Variants in CADPS observed in about 807,000 individuals in gnomAD.
CADPS encodes the protein calcium-dependent secretion activator 1.
In CADPS, 57 loss-of-function variants were observed where a neutral mutation model predicts 167.3. That is an observed-to-expected ratio of 0.34 (90% CI 0.28 to 0.42). The LOEUF is 0.42. CADPS is among the 20% of genes least tolerant of loss of function. The pLI is 1.00. For synonymous variants in CADPS, 676 were observed against 635.3 expected, an observed-to-expected ratio of 1.06 and a Z score of -0.96; for missense variants, 1,414 against 1,738.1, an observed-to-expected ratio of 0.81 and a Z score of 3.32.
chr3:62,694,839 C>A (rs966307178), intron 3 of CADPS, among the ~76,000 whole-genome samples: 135 of 152,100 alleles, frequency 8.9e-4, no homozygotes, highest in African/African-American at 3.1e-3. Context: ...TTAGGAGACA[C>A]CACCCTAAAA....
chr3:62,815,929 C>T (rs2094591211), intron 1 of CADPS, among the ~76,000 whole-genome samples: 2 of 152,088 alleles, frequency 1.3e-5, no homozygotes, highest in South Asian at 4.1e-4. Context: ...TATCTGAAAT[C>T]TTCAAATTGT....
chr3:62,647,416 G>T (rs1362915446), intron 5 of CADPS, among the ~76,000 whole-genome samples: 4 of 152,154 alleles, frequency 2.6e-5, no homozygotes, highest in African/African-American at 4.8e-5. Context: ...AGTAGGCCTG[G>T]GTTGGAGCCC....
rs771885497 is a variant in CADPS, at chr3:62,650,918, T to A, written c.1132A>T (p.Ile378Phe). The A allele has an allele frequency of 6.2e-6, 10 of 1,614,140 alleles. No homozygotes were observed. The East Asian group carries it at 1.6e-4, about 25-fold the overall frequency. The change falls in exon 5 of 30, where the codon ATC becomes TTC. Residue 378 changes from isoleucine (I) to phenylalanine (F), a missense_variant. Around this residue, in one of 6 missense-constraint regions of CADPS, gnomAD observed 522 missense variants for 559.5 expected, o/e 0.93. Coordinates refer to ENST00000383710, the MANE Select transcript of CADPS (RefSeq NM_003716.4). ...TCACTCTCCTCGCCCATGTCGATGA[T>A]GGAAGCATTGTGGCTGCGTTTGAGT... ...QKLKRSHNASIIDMGEESENQ... is the reference protein window; with the variant it reads ...QKLKRSHNASFIDMGEESENQ...
At chr3:62,428,341 C>T (rs535173294) in intron 28 of CADPS, among the ~76,000 whole-genome samples, 7 of 113,748 alleles carry the variant, frequency 6.2e-5, no homozygotes, top group East Asian at 3.1e-4. Flanking sequence ...AATTGAGGTC[C>T]GGGTGGAACT....
chr3:62,513,814 G>T (rs1025285018), intron 16 of CADPS: 3 of 694,810 alleles, frequency 4.3e-6, no homozygotes, highest in Non-Finnish European at 7.6e-6. Context: ...AATAGCCACA[G>T]AGTATTTTGG....
At position 62,760,336 on chromosome 3, in the gene CADPS, G is replaced by A. The variant is rs1490982598; in HGVS notation, c.555+5535C>T. On this transcript the variant is annotated intron_variant, in intron 2 of 29. Coordinates refer to ENST00000383710, the MANE Select transcript of CADPS (RefSeq NM_003716.4). ...GCAACTAAGGCTCAGACATAGCTGA[G>A]GTCCCAGAGTCAGTGTGTAACAGGA... Among the ~76,000 whole-genome samples the A allele has an allele frequency of 2.0e-5, 3 of 152,164 alleles. No individual in the cohort carries two copies. The East Asian group carries it at 5.8e-4, about 29-fold the overall frequency.
At chr3:62,788,696 AT>A (rs1460529284) in intron 1 of CADPS, among the ~76,000 whole-genome samples, 4 of 152,100 alleles carry the variant, frequency 2.6e-5, no homozygotes, top group Non-Finnish European at 5.9e-5. Flanking sequence ...TTATTAGTGT[AT>A]TTTCAATCAG....
At chr3:62,589,604 G>C (rs1186721253) in intron 7 of CADPS, among the ~76,000 whole-genome samples, 1 of 152,178 alleles carries the variant, frequency 6.6e-6, no homozygotes, top group Non-Finnish European at 1.5e-5. Context: ...CTGTACAAGA[G>C]AGGTGATGAC....
intron 3 of CADPS, among the ~76,000 whole-genome samples, chr3:62,719,602 G>C (rs2075348069): frequency 6.6e-6 from 1 of 152,350 alleles, no homozygotes; most frequent in African/African-American, 2.4e-5. Context: ...GCCAAGCACA[G>C]TGCCCACCTT....
At position 62,601,334 on chromosome 3, in the gene CADPS, A is replaced by T. The variant is rs2059935414; in HGVS notation, c.1326-8586T>A. Among the ~76,000 whole-genome samples the T allele has an allele frequency of 6.6e-6, 1 of 152,244 alleles. No homozygotes were observed. Among genetic ancestry groups the T allele is most frequent in the Non-Finnish European group, 1.5e-5 (1 of 68,048 alleles). ...TTGTGCAGCAATGGCAGAATTGAGT[A>T]GTTATGACAGAGAATATAGGGCCAA... On this transcript the variant is annotated intron_variant, in intron 6 of 29. Coordinates refer to ENST00000383710, the MANE Select transcript of CADPS (RefSeq NM_003716.4). The surrounding 1 kb of genome is among the most constrained non-coding windows in gnomAD (Gnocchi z 4.3).
chr3:62,421,285 A>C lies in CADPS; in HGVS notation c.3777+16819T>G, dbSNP rs2051327682. ...GAGGTGACAGAATAAGAAATTAAAC[A>C]CTTGTGGGTTCATTCGAAAGAGTGA... On this transcript the variant is annotated intron_variant, in intron 28 of 29. Transcript: ENST00000383710. This position sits in a 1 kb window ranked among gnomAD's most constrained non-coding sequence, Gnocchi z 4.7. Among the ~76,000 whole-genome samples the C allele has an allele frequency of 6.7e-6, 1 of 150,040 alleles. No homozygotes were observed. Among genetic ancestry groups the C allele is most frequent in the Non-Finnish European group, 1.5e-5 (1 of 67,686 alleles).
chr3:62,721,363 G>A (rs1173844709), intron 3 of CADPS, among the ~76,000 whole-genome samples: 2 of 151,996 alleles, frequency 1.3e-5, no homozygotes, highest in East Asian at 3.9e-4. Context: ...TTACTCAGGA[G>A]CAGATTTTAT....
At chr3:62,756,069 T>TC (rs1214027560) in intron 2 of CADPS, among the ~76,000 whole-genome samples, 2 of 151,672 alleles carry the variant, frequency 1.3e-5, no homozygotes, top group Non-Finnish European at 2.9e-5. Context: ...TTTTTTTTTT[T>TC]TTGAGACAGA....
At chr3:62,409,442 A>G (rs1181528924) in intron 28 of CADPS, among the ~76,000 whole-genome samples, 3 of 152,266 alleles carry the variant, frequency 2.0e-5, no homozygotes, top group Admixed American at 1.3e-4. Flanking sequence ...ATGAAGATAG[A>G]AAGTTGCTAA....
At chr3:62,843,414 G>C (rs1331798711) in intron 1 of CADPS, among the ~76,000 whole-genome samples, 1 of 152,098 alleles carries the variant, frequency 6.6e-6, no homozygotes, top group Non-Finnish European at 1.5e-5. Context: ...CAATTATCTT[G>C]TGTGTTTTTG....
chr3:62,843,439 C>G (rs968385023), intron 1 of CADPS, among the ~76,000 whole-genome samples: 1 of 151,704 alleles, frequency 6.6e-6, no homozygotes, highest in African/African-American at 2.4e-5. Flanking sequence ...AGAAATATAA[C>G]TGAATTACAA....
At chr3:62,518,803 A>G (rs1049668848) in intron 13 of CADPS, among the ~76,000 whole-genome samples, 11 of 152,032 alleles carry the variant, frequency 7.2e-5, no homozygotes, top group African/African-American at 2.7e-4. Flanking sequence ...GTGACTTGTA[A>G]GTGTTTGTCT....
intron 2 of CADPS, among the ~76,000 whole-genome samples, chr3:62,764,098 T>G (rs573690278): frequency 3.9e-4 from 60 of 152,344 alleles, no homozygotes; most frequent in African/African-American, 1.4e-3. Context: ...TATAAATTTA[T>G]AAACTCTGGT....
chr3:62,671,737 G>A (rs1254565826), intron 3 of CADPS, among the ~76,000 whole-genome samples: 2 of 151,958 alleles, frequency 1.3e-5, no homozygotes, highest in East Asian at 1.9e-4. Flanking sequence ...ATGATATTCC[G>A]GGTTGGGGCT....
Sources: allele counts gnomAD v4.1 joint callset (sites outside exome capture counted in the v4.1 genomes callset), GRCh38; gene constraint gnomAD v4.1.1; regional missense constraint gnomAD v4.1.1; non-coding constraint Gnocchi (gnomAD v3.1); transcripts MANE v1.5; gene names NCBI Gene and HGNC (gene_info 2026-07-23, HGNC 2026-07-21).